Variants in ZDHHC6 observed in about 807,000 individuals in gnomAD.
ZDHHC6 encodes the protein zDHHC palmitoyltransferase 6.
Under a neutral mutation model 57.8 loss-of-function variants are expected in ZDHHC6, and 32 were observed. The ratio of observed to expected loss-of-function variants is 0.55; its 90% CI spans 0.42 to 0.74. The LOEUF (loss-of-function observed/expected upper bound fraction) is 0.74, where lower values mean the gene tolerates loss of function less well. Ranked by LOEUF, ZDHHC6 falls within the 30% of genes least tolerant of loss-of-function variation. The pLI, the probability that ZDHHC6 is intolerant of heterozygous loss-of-function variation, is 0.00. For missense variants in ZDHHC6, 433 were observed against 500.7 expected (o/e 0.86, Z 1.29); for synonymous variants, 128 against 158.0 (o/e 0.81, Z 1.42).
upstream of ZDHHC6, chr10:112,447,023 A>T: frequency 3.3e-5 from 9 of 276,878 alleles, no homozygotes; most frequent in South Asian, 1.4e-4. Context: ...GTGGATCCGG[A>T]GCCGATTCCC....
chr10:112,426,733 A>T, downstream of ZDHHC6: 1 of 1,518,324 alleles, frequency 6.6e-7, no homozygotes, highest in Non-Finnish European at 9.1e-7. Context: ...GTTCATGCTT[A>T]GCCCTTCAGG....
intron 6 of ZDHHC6, among the ~76,000 whole-genome samples, chr10:112,434,946 G>C (rs1486217845): frequency 6.6e-6 from 1 of 152,190 alleles, no homozygotes; most frequent in African/African-American, 2.4e-5. Context: ...TTATATCCTG[G>C]GTGGCAGTGA....
At position 112,445,417 on chromosome 10, in the gene ZDHHC6, A is replaced by T; in HGVS notation, c.20T>A (p.Val7Asp). 6.2e-7 allele frequency: 1 copy of T among 1,614,180 alleles called. No individual in the cohort carries two copies. Reference protein sequence around the residue: MGTFCSVIKFENLQELK... With the variant: MGTFCSDIKFENLQELK... ...TTCTTGTAGATTTTCAAACTTGATA[A>T]CCGAACAGAATGTACCCATTTTGGC... Residue 7 changes from valine (V) to aspartate (D), a missense_variant, in exon 2 of 11, where the codon GTT becomes GAT. By Grantham distance (152) the Val-to-Asp change is radical (BLOSUM62 -3). Coordinates refer to ENST00000369405, the MANE Select transcript of ZDHHC6 (RefSeq NM_022494.3).
At chr10:112,427,377 C>T, downstream of ZDHHC6, 1 of 1,602,574 alleles carries the variant, frequency 6.2e-7, no homozygotes, top group Non-Finnish European at 8.5e-7. Context: ...ACTTAAGTAC[C>T]TGCCGGCCCA....
chr10:112,445,462 C>T lies in ZDHHC6; in HGVS notation c.-26G>A, dbSNP rs1420355695. On this transcript the variant is annotated 5_prime_UTR_variant, in exon 2 of 11. Transcript: ENST00000369405. The stretch of plus-strand genomic sequence containing the variant: ...TTTGGCAAGGAAGAATGCCTTCCTA[C>T]TTTAAAAGAATTATAGATTTCCTTT... 5.6e-6 allele frequency: 9 copies of T among 1,603,526 alleles called. No individual in the cohort carries two copies. The highest frequency in any genetic ancestry group is 7.7e-6 in the Non-Finnish European group (9 of 1,174,170).
downstream of ZDHHC6, chr10:112,426,896 C>G (rs1292470980): frequency 2.6e-6 from 4 of 1,515,968 alleles, no homozygotes; most frequent in Admixed American, 3.4e-5. Flanking sequence ...GGCCTCTTGT[C>G]AGAAAGTTTT....
intron 2 of ZDHHC6, among the ~76,000 whole-genome samples, chr10:112,444,359 A>G (rs1157453394): frequency 2.6e-5 from 4 of 152,258 alleles, no homozygotes; most frequent in South Asian, 2.1e-4. Context: ...ACAATGCTCA[A>G]TTCTTCTAAC....
chr10:112,430,023 C>T (rs1040823399), downstream of ZDHHC6, among the ~76,000 whole-genome samples: 1 of 152,118 alleles, frequency 6.6e-6, no homozygotes, highest in Non-Finnish European at 1.5e-5. Flanking sequence ...CAAGGATGCC[C>T]GGGTCCGCAG....
chr10:112,445,513 A>G lies in ZDHHC6; in HGVS notation c.-77T>C. ...TTCTGTGCGCACATTTCCATGTGCC[A>G]CAAGTCCATGTGTGTTCTTTAATTG... On this transcript the variant is annotated 5_prime_UTR_variant, in exon 2 of 11. Transcript: ENST00000369405. The G allele has an allele frequency of 1.3e-6, 2 of 1,500,308 alleles. No homozygotes were observed. The allele number at this position is 1,500,308 out of a possible 1,614,324, so 92.9% of individuals were successfully genotyped here.
At chr10:112,426,330 G>T, downstream of ZDHHC6, 1 of 1,614,038 alleles carries the variant, frequency 6.2e-7, no homozygotes. Flanking sequence ...TGGGGTGAAG[G>T]GCTCCTTTGA....
intron 6 of ZDHHC6, among the ~76,000 whole-genome samples, chr10:112,436,473 C>T (rs1238542458): frequency 1.3e-5 from 2 of 152,058 alleles, no homozygotes; most frequent in African/African-American, 2.4e-5. Flanking sequence ...GAGACTCCGT[C>T]GCCAGAAAAC....
At chr10:112,446,394 G>GGA (rs771448574) in intron 1 of ZDHHC6, among the ~76,000 whole-genome samples, 15 of 152,126 alleles carry the variant, frequency 9.9e-5, no homozygotes, top group Non-Finnish European at 1.8e-4. Flanking sequence ...CAGGAGCGAG[G>GGA]GAAATGGAAG....
chr10:112,426,926 T>C, downstream of ZDHHC6: 1 of 1,319,660 alleles, frequency 7.6e-7, no homozygotes, highest in Non-Finnish European at 1.1e-6. Flanking sequence ...TTCCATCTAA[T>C]GAGGTTTAAA....
At chr10:112,442,126 T>C in intron 4 of ZDHHC6, 66 bp downstream of exon 4, 1 of 1,458,694 alleles carries the variant, frequency 6.9e-7, no homozygotes, top group Non-Finnish European at 9.1e-7. Flanking sequence ...ACCTCTTAAA[T>C]GTTGATAACT....
intron 2 of ZDHHC6, among the ~76,000 whole-genome samples, chr10:112,443,946 C>T (rs1589755480): frequency 2.0e-5 from 3 of 152,240 alleles, no homozygotes; most frequent in African/African-American, 7.2e-5. Flanking sequence ...AGGAGTTAAT[C>T]GTGAGTTGAT....
chr10:112,432,402 T>TTC lies in ZDHHC6; in HGVS notation c.1063_1064dup (p.Phe356AsnfsTer4). ...GTAAACCTCTTGTGGCTAAAATGAA[T>TTC]TCCCCTTTTTGCAGCTGTATTCGAG... On this transcript the variant is annotated frameshift_variant, in exon 9 of 11. Coordinates refer to ENST00000369405, the MANE Select transcript of ZDHHC6 (RefSeq NM_022494.3). LOFTEE classifies it high-confidence loss of function. 1 of 1,614,172 alleles carries TTC rather than the reference T, an allele frequency of 6.2e-7. No individual in the cohort carries two copies. Among genetic ancestry groups the TTC allele is most frequent in the Non-Finnish European group, 8.5e-7 (1 of 1,180,026 alleles).
At chr10:112,426,089 A>C (rs1346934546), downstream of ZDHHC6, among the ~76,000 whole-genome samples, 1 of 29,714 alleles carries the variant, frequency 3.4e-5, no homozygotes, top group Non-Finnish European at 6.5e-5. Context: ...AAATGGGATT[A>C]CAGTTCCATG....
chr10:112,432,117 T>C, intron 10 of ZDHHC6, 123 bp downstream of exon 10: 1 of 896,850 alleles, frequency 1.1e-6, no homozygotes, highest in South Asian at 1.9e-5. Context: ...TGCTTAGTGA[T>C]ATACCCTTCT....
intron 8 of ZDHHC6, 25 bp downstream of exon 8, chr10:112,433,215 T>A (rs781566733): frequency 6.4e-7 from 1 of 1,553,936 alleles, no homozygotes; most frequent in Non-Finnish European, 8.7e-7. Flanking sequence ...GAAAAAAAAA[T>A]TACCACTGCA....
Sources: allele counts gnomAD v4.1 joint callset (sites outside exome capture counted in the v4.1 genomes callset), GRCh38; gene constraint gnomAD v4.1.1; transcripts MANE v1.5; gene names NCBI Gene and HGNC (gene_info 2026-07-23, HGNC 2026-07-21).